Variants in NPR3 observed in about 807,000 individuals in gnomAD.
NPR3 encodes the protein atrial natriuretic peptide receptor 3.
Under a neutral mutation model 54.5 loss-of-function variants are expected in NPR3, and 34 were observed. The observed-to-expected ratio is 0.62, with a 90% CI of 0.47 to 0.83. NPR3 has a LOEUF of 0.83. Ranked by LOEUF, NPR3 falls within the 40% of genes least tolerant of loss-of-function variation. The pLI is 0.00. For synonymous variants in NPR3, 289 were observed against 297.1 expected (o/e 0.97, Z 0.28); for missense variants, 674 against 720.8 (o/e 0.94, Z 0.74).
intron 3 of NPR3, among the ~76,000 whole-genome samples, chr5:32,756,986 A>T (rs911310729): frequency 6.6e-6 from 1 of 152,234 alleles, no homozygotes; most frequent in African/African-American, 2.4e-5. Flanking sequence ...TAGCAGTACC[A>T]TGCTGTTTTG....
chr5:32,770,918 C>T (rs1741723063), intron 3 of NPR3, among the ~76,000 whole-genome samples: 1 of 152,200 alleles, frequency 6.6e-6, no homozygotes, highest in South Asian at 2.1e-4. Flanking sequence ...ACAGCATGAC[C>T]TGTGTTAGTC....
chr5:32,738,439 A>C (rs1190395113), intron 2 of NPR3, among the ~76,000 whole-genome samples: 1 of 152,164 alleles, frequency 6.6e-6, no homozygotes, highest in Non-Finnish European at 1.5e-5. Flanking sequence ...CTGCCGTCCC[A>C]CACACACATA....
At chr5:32,752,865 A>G (rs1012109924) in intron 3 of NPR3, among the ~76,000 whole-genome samples, 1 of 152,208 alleles carries the variant, frequency 6.6e-6, no homozygotes, top group African/African-American at 2.4e-5. Flanking sequence ...ATTAAAATCT[A>G]AAAAATATAC....
upstream of NPR3, among the ~76,000 whole-genome samples, chr5:32,708,260 T>G (rs898466733): frequency 6.6e-6 from 1 of 152,126 alleles, no homozygotes; most frequent in Non-Finnish European, 1.5e-5. Context: ...AAAAAATACT[T>G]ATTTTTCCCC....
chr5:32,735,707 C>A (rs1246077431), intron 2 of NPR3, among the ~76,000 whole-genome samples: 2 of 152,110 alleles, frequency 1.3e-5, no homozygotes, highest in African/African-American at 4.8e-5. Flanking sequence ...CTAGAGGCAC[C>A]CAGTTGTCTA....
chr5:32,751,916 T>C (rs1383609932), intron 3 of NPR3, among the ~76,000 whole-genome samples: 1 of 152,182 alleles, frequency 6.6e-6, no homozygotes, highest in African/African-American at 2.4e-5. Context: ...TTAAACCAAC[T>C]TGGGGCTGGG....
chr5:32,731,270 T>C (rs1284492539), intron 2 of NPR3, among the ~76,000 whole-genome samples: 1 of 152,244 alleles, frequency 6.6e-6, no homozygotes. Flanking sequence ...CAAAGTATAC[T>C]TGGGGTTTCT....
chr5:32,764,145 A>C (rs1410661502), intron 3 of NPR3, among the ~76,000 whole-genome samples: 1 of 151,996 alleles, frequency 6.6e-6, no homozygotes, highest in East Asian at 1.9e-4. Context: ...CCCTCTTTCT[A>C]CTGGACTCCT....
Position 32,732,068 on chromosome 5 carries a change from C to T in NPR3, c.893-6796C>T, listed in dbSNP as rs1458536265. Among the ~76,000 whole-genome samples, 5 of 151,652 alleles carry T rather than the reference C, an allele frequency of 3.3e-5. No homozygotes were observed. The East Asian group carries it at 5.8e-4, about 18-fold the overall frequency. On this transcript the variant is annotated intron_variant, in intron 2 of 7. Transcript: ENST00000265074. ...CATCCTGGCTAACAAGGTGAAACCC[C>T]GTCTCTACTAAAAATACAGAAAATT...
chr5:32,757,964 G>A (rs573330304), intron 3 of NPR3, among the ~76,000 whole-genome samples: 2 of 152,288 alleles, frequency 1.3e-5, no homozygotes, highest in African/African-American at 4.8e-5. Context: ...CTTGATCATG[G>A]TGGATAAGCT....
Position 32,790,691 on chromosome 5 carries a change from T to C in NPR3, c.*4346T>C, listed in dbSNP as rs1031564945. 6.0e-6 allele frequency: 1 copy of C among 166,650 alleles called. No individual in the cohort carries two copies. The highest frequency in any genetic ancestry group is 2.4e-5 in the African/African-American group (1 of 41,452). 10.3% of individuals were successfully genotyped at this position (166,650 alleles called of 1,614,324 possible). On this transcript the variant is annotated 3_prime_UTR_variant, in exon 8 of 8. Transcript: ENST00000265074. The stretch of plus-strand genomic sequence containing the variant: ...GGTGCTGGATTGGAGTTTGTTCAAA[T>C]TTCTCATTAACCACTAATGTTAATT...
chr5:32,770,644 G>A (rs11740452), intron 3 of NPR3, among the ~76,000 whole-genome samples: 14,791 of 152,106 alleles, frequency 0.097, 911 homozygotes, highest in South Asian at 0.21. Flanking sequence ...TCATAACTTC[G>A]TAACTTGCAT....
In NPR3 at chr5:32,695,296, G is replaced by A. The variant is rs533209859; in HGVS notation, c.100+6110G>A. 6.6e-5 allele frequency among the ~76,000 whole-genome samples: 10 copies of A among 152,078 alleles called. 1 individual carries two copies. The East Asian group carries it at 1.5e-3, about 23-fold the overall frequency. ...TTCTTTTTTTTTGAGACGGAGCCTCGCTCTGTCGTCCAGGCTGGAGTGCAG... is the reference window on the plus strand; with the variant it reads ...TTCTTTTTTTTTGAGACGGAGCCTCACTCTGTCGTCCAGGCTGGAGTGCAG... On this transcript the variant is annotated intron_variant, in intron 1 of 5. Coordinates refer to the NPR3 transcript ENST00000509104.
chr5:32,703,023 C>CA (rs1390379266), intron 1 of NPR3, among the ~76,000 whole-genome samples: 2 of 152,190 alleles, frequency 1.3e-5, no homozygotes, highest in Non-Finnish European at 2.9e-5. Context: ...TGATGGTGAG[C>CA]ATTTTTTCAG....
At position 32,780,726 on chromosome 5, in the gene NPR3, C is replaced by T. The variant is rs778233918; in HGVS notation, c.1200C>T (p.Ile400=). 1.0e-5 allele frequency: 15 copies of T among 1,493,214 alleles called. No individual in the cohort carries two copies. Among genetic ancestry groups the T allele is most frequent in the African/African-American group, 6.9e-5 (5 of 72,532 alleles). The allele number at this position is 1,493,214 out of a possible 1,614,324, so 92.5% of individuals were successfully genotyped here. A position where few individuals can be genotyped will look rare whatever the true frequency, so the allele number is the denominator to read the frequency against. ...TCTTCGCTTCTGGTCCTGTAGGTAT[C>T]GCCGGGCAGGTGTCCATAGATGCCA... ...QQTWNRTFEG[I]AGQVSIDANG... The change falls in exon 5 of 8, where the codon ATC becomes ATT. Residue 400 remains isoleucine, a synonymous_variant. Transcript: ENST00000265074.
At chr5:32,695,690 G>C (rs1192909085) in intron 1 of NPR3, among the ~76,000 whole-genome samples, 1 of 152,104 alleles carries the variant, frequency 6.6e-6, no homozygotes, top group Non-Finnish European at 1.5e-5. Context: ...ATTTGTTATT[G>C]CCTGGCTTTT....
chr5:32,699,991 T>C (rs1740627618), intron 1 of NPR3, among the ~76,000 whole-genome samples: 1 of 152,238 alleles, frequency 6.6e-6, no homozygotes, highest in Non-Finnish European at 1.5e-5. Context: ...AAAAGTTTTT[T>C]CCTTCAGCAC....
chr5:32,711,980 A>C lies in NPR3; in HGVS notation c.204A>C (p.Ser68=). ...CCCAGGATGACTCGTACTTGTTTTC[A>C]CTCACCCGGGTGCGGCCGGCCATCG... is the stretch of plus-strand genomic sequence containing the variant. ...LLPQDDSYLF[S]LTRVRPAIEY... is the part of the protein sequence containing the mutation. Residue 68 remains serine (S), a synonymous_variant, in exon 1 of 8, where the codon TCA becomes TCC. Coordinates refer to ENST00000265074, the MANE Select transcript of NPR3 (RefSeq NM_001204375.2). The C allele has an allele frequency of 6.2e-7, 1 of 1,607,956 alleles. No homozygotes were observed. Among genetic ancestry groups the C allele is most frequent in the Non-Finnish European group, 8.5e-7 (1 of 1,177,150 alleles).
intron 6 of NPR3, chr5:32,783,364 T>C (rs1489007628): frequency 1.0e-5 from 2 of 193,912 alleles, no homozygotes; most frequent in Non-Finnish European, 2.1e-5. Flanking sequence ...AGTCTCGTTC[T>C]GATTTTTCAA....
Sources: allele counts gnomAD v4.1 joint callset (sites outside exome capture counted in the v4.1 genomes callset), GRCh38; gene constraint gnomAD v4.1.1; transcripts MANE v1.5; gene names NCBI Gene and HGNC (gene_info 2026-07-23, HGNC 2026-07-21).